Variants in CUBN observed in about 807,000 individuals in gnomAD.
CUBN encodes the protein 460 kDa receptor.
In CUBN, 282 loss-of-function variants were observed where a neutral mutation model predicts 405.3. The ratio of observed to expected loss-of-function variants is 0.70; its 90% CI spans 0.63 to 0.77. CUBN has a LOEUF of 0.77. CUBN is among the 30% of genes least tolerant of loss of function. The probability of loss-of-function intolerance (pLI) is 0.00; values close to 1 mark genes in which losing one functional copy is unlikely to be tolerated. For synonymous variants in CUBN, 1,684 were observed against 1,617.0 expected (o/e 1.04, Z -0.99); for missense variants, 4,514 against 4,475.2 (o/e 1.01, Z -0.25).
Position 17,122,802 on chromosome 10 carries a change from T to A in CUBN, c.586A>T (p.Ser196Cys), listed in dbSNP as rs762601569. Residue 196 changes from serine to cysteine, a missense_variant, in exon 6 of 67, where the codon AGT (serine) becomes TGT (cysteine). Ser to Cys is a moderately radical substitution (Grantham distance 112, BLOSUM62 -1). Coordinates refer to ENST00000377833, the MANE Select transcript of CUBN (RefSeq NM_001081.4). Reference sequence around the variant, plus strand: ...AAAAAAAAAAAAAGTTACCTGTAACTTCCCATTGTATTAACACATGTGCCT... The same window carrying A: ...AAAAAAAAAAAAAGTTACCTGTAACATCCCATTGTATTAACACATGTGCCT... Reference protein sequence around the residue: ...NGGTCVNTMGSYSCHCPPETY... With the variant: ...NGGTCVNTMGCYSCHCPPETY... The A allele has an allele frequency of 6.3e-7, 1 of 1,598,270 alleles. No individual in the cohort carries two copies. Among genetic ancestry groups the A allele is most frequent in the East Asian group, 2.2e-5 (1 of 44,770 alleles).
chr10:16,928,458 T>C (rs911809155), intron 40 of CUBN, among the ~76,000 whole-genome samples, 155 bp from the exon 41 acceptor site: 1 of 151,354 alleles, frequency 6.6e-6, no homozygotes, highest in Non-Finnish European at 1.5e-5. Flanking sequence ...CCCTCAGGGG[T>C]GATATCATTC....
At chr10:16,962,442 G>C (rs1843255287) in intron 31 of CUBN, among the ~76,000 whole-genome samples, 1 of 151,904 alleles carries the variant, frequency 6.6e-6, no homozygotes, top group African/African-American at 2.4e-5. Context: ...TCCAACTGGA[G>C]ATTGTAGGGG....
At chr10:16,936,870 C>G (rs898930252) in intron 39 of CUBN, among the ~76,000 whole-genome samples, 2 of 152,104 alleles carry the variant, frequency 1.3e-5, no homozygotes, top group East Asian at 1.9e-4. Flanking sequence ...ACGCGCTCCA[C>G]CACGCCCAGC....
rs1834187189 is a variant in CUBN at position 17,011,550 on chromosome 10, G to T, written c.4168+8283C>A. 3.9e-5 allele frequency among the ~76,000 whole-genome samples: 6 copies of T among 152,114 alleles called. 1 individual carries two copies. Among genetic ancestry groups the T allele is most frequent in the Admixed American group, 3.9e-4 (6 of 15,272 alleles). ...AGAGTGAGCAGCAGCAAGATTTATT[G>T]TGAAGAGTGAGAGAACAAAGCTTCC... On this transcript the variant is annotated intron_variant, in intron 28 of 66. Coordinates refer to ENST00000377833, the MANE Select transcript of CUBN (RefSeq NM_001081.4).
intron 22 of CUBN, among the ~76,000 whole-genome samples, chr10:17,051,595 G>T (rs533181086): frequency 1.3e-5 from 2 of 151,748 alleles, no homozygotes; most frequent in African/African-American, 4.8e-5. Context: ...GCCCAAAAAG[G>T]GAGAAAATTA....
Position 16,883,109 on chromosome 10 carries a change from A to G in CUBN, c.8905+5308T>C, listed in dbSNP as rs73592340. 3.1e-3 allele frequency among the ~76,000 whole-genome samples: 473 copies of G among 152,154 alleles called. 4 individuals carry two copies. The highest frequency in any genetic ancestry group is 0.011 in the African/African-American group (454 of 41,502). ...AAGAAAAAGAAAGGAAGGAAGGAAG[A>G]AAGAAATGGGTTCTAGGCAGAGGCA... On this transcript the variant is annotated intron_variant, in intron 56 of 66. Coordinates refer to ENST00000377833, the MANE Select transcript of CUBN (RefSeq NM_001081.4).
intron 64 of CUBN, among the ~76,000 whole-genome samples, chr10:16,833,714 G>T (rs2131307773): frequency 6.6e-6 from 1 of 152,262 alleles, no homozygotes; most frequent in African/African-American, 2.4e-5. Context: ...GGGAACAAAG[G>T]CTGAAGCTAC....
Position 16,898,997 on chromosome 10 carries a change from T to C in CUBN, c.8597A>G (p.Lys2866Arg). Residue 2866 changes from lysine (K) to arginine (R), a missense_variant and splice_region_variant, in exon 54 of 67, where the codon AAG (lysine) becomes AGG (arginine). Lys to Arg is a conservative substitution (Grantham distance 26). Around this residue, in one of 5 missense-constraint regions of CUBN, gnomAD observed 1,186 missense variants for 1,186.9 expected, o/e 1.00. Coordinates refer to ENST00000377833, the MANE Select transcript of CUBN (RefSeq NM_001081.4). ...GDGQCQNSFV[K>R]VWAGTEEVDK... ...AATTAAATGAACAAGTGTACTAACC[T>C]TCACGAAGCTATTCTGACATTGTCC... 6.2e-7 allele frequency: 1 copy of C among 1,606,078 alleles called. No individual in the cohort carries two copies. Among genetic ancestry groups the C allele is most frequent in the Non-Finnish European group, 8.5e-7 (1 of 1,172,640 alleles).
chr10:16,893,049 A>C (rs541286611), intron 54 of CUBN, among the ~76,000 whole-genome samples: 4 of 152,192 alleles, frequency 2.6e-5, no homozygotes, highest in Non-Finnish European at 5.9e-5. Context: ...TCAAGAACTC[A>C]TTTCATTGGC....
At chr10:17,015,330 A>C (rs56132348) in intron 28 of CUBN, among the ~76,000 whole-genome samples, 38,119 of 152,000 alleles carry the variant, frequency 0.25, 5,710 homozygotes, top group East Asian at 0.43. Context: ...CAAATGGGTA[A>C]ATTGTTCCCC....
intron 22 of CUBN, among the ~76,000 whole-genome samples, chr10:17,062,464 T>G (rs1835524409): frequency 1.3e-5 from 2 of 152,250 alleles, no homozygotes; most frequent in Admixed American, 6.5e-5. Context: ...GTAGTTTGAA[T>G]GAGCAAAATC....
intron 58 of CUBN, among the ~76,000 whole-genome samples, chr10:16,873,684 T>C (rs994227970): frequency 1.1e-4 from 15 of 135,968 alleles, no homozygotes; most frequent in African/African-American, 4.2e-4. Context: ...ATTGTGCCAC[T>C]ACACTCCAGC....
chr10:17,057,606 C>T (rs9664265), intron 22 of CUBN, among the ~76,000 whole-genome samples: 3,239 of 152,064 alleles, frequency 0.021, 135 homozygotes, highest in African/African-American at 0.073. Flanking sequence ...AGGTATTTTA[C>T]GCAAGAGAAT....
At chr10:16,856,892 A>T (rs1272321948) in intron 59 of CUBN, among the ~76,000 whole-genome samples, 2 of 152,192 alleles carry the variant, frequency 1.3e-5, no homozygotes, top group African/African-American at 4.8e-5. Context: ...CTGGTGCCTT[A>T]GGGAAATTCG....
intron 64 of CUBN, among the ~76,000 whole-genome samples, chr10:16,832,618 T>A (rs1839042015): frequency 6.6e-6 from 1 of 152,194 alleles, no homozygotes; most frequent in Non-Finnish European, 1.5e-5. Flanking sequence ...GCCGTTGCTC[T>A]GAGAGGAGCA....
At chr10:17,109,444 A>G (rs1347896799) in intron 10 of CUBN, among the ~76,000 whole-genome samples, 196 bp downstream of exon 10, 1 of 152,356 alleles carries the variant, frequency 6.6e-6, no homozygotes, top group East Asian at 1.9e-4. Flanking sequence ...TTCCTAAATC[A>G]GAGCAGACCA....
At chr10:17,114,806 C>T (rs370326527) in intron 7 of CUBN, among the ~76,000 whole-genome samples, 8 of 152,202 alleles carry the variant, frequency 5.3e-5, no homozygotes, top group South Asian at 2.1e-4. Context: ...AGACCCAGGC[C>T]GGGAAAAGTC....
intron 15 of CUBN, among the ~76,000 whole-genome samples, chr10:17,087,472 CTTTTTTTTTT>C (rs775573918): frequency 1.4e-5 from 1 of 71,712 alleles, no homozygotes; most frequent in African/African-American, 4.7e-5. Flanking sequence ...TTTTCTTTTT[CTTTTTTTTTT>C]TTTTTTTTTT....
At chr10:16,856,293 T>A (rs750449466) in intron 59 of CUBN, among the ~76,000 whole-genome samples, 5 of 152,100 alleles carry the variant, frequency 3.3e-5, no homozygotes, top group Admixed American at 2.6e-4. Context: ...TGTCAGTCAC[T>A]CTCTGATGAC....
Sources: gnomAD v4.1 joint callset for allele counts (sites outside exome capture counted in the v4.1 genomes callset) on GRCh38, gnomAD v4.1.1 for gene constraint, gnomAD v4.1.1 regional missense constraint, MANE v1.5 for transcripts, NCBI Gene and HGNC (gene_info 2026-07-23, HGNC 2026-07-21) for gene names.